CHAMP1: variants seen among roughly 807,000 people sequenced by gnomAD.
CHAMP1 encodes chromosome alignment maintaining phosphoprotein 1.
A neutral mutation model predicts 54.5 loss-of-function variants in CHAMP1; 4 were observed. The observed-to-expected ratio is 0.07, with a 90% confidence interval of 0.04 to 0.17. CHAMP1 has a LOEUF of 0.17. Ranked by LOEUF, CHAMP1 falls within the 10% of genes least tolerant of loss-of-function variation. The pLI, the probability that CHAMP1 is intolerant of heterozygous loss-of-function variation, is 1.00. For synonymous variants in CHAMP1, 368 were observed against 342.2 expected (o/e 1.08, Z -0.83); for missense variants, 994 against 968.6 (o/e 1.03, Z -0.35).
At position 114,321,171 on chromosome 13, in the gene CHAMP1, A is replaced by G. The variant is rs905331110; in HGVS notation, c.-117A>G. Reference sequence around the variant, plus strand: ...TAGGCTGTTTGCTGTGGTTTAGTCAAAAAGCCATGTAGAATGCCTGCCTTT... The same window carrying G: ...TAGGCTGTTTGCTGTGGTTTAGTCAGAAAGCCATGTAGAATGCCTGCCTTT... On this transcript the variant is annotated 5_prime_UTR_variant, in exon 2 of 3. Coordinates refer to ENST00000361283, the MANE Select transcript of CHAMP1 (RefSeq NM_032436.4). 5 of 151,370 alleles carry G rather than the reference A, an allele frequency of 3.3e-5. No homozygotes were observed. Among genetic ancestry groups the G allele is most frequent in the Admixed American group, 2.0e-4 (3 of 15,194 alleles). The allele number at this position is 151,370 out of a possible 1,614,324, so 9.4% of individuals were successfully genotyped here.
chr13:114,315,711 A>C (rs771740734), intron 1 of CHAMP1, among the ~76,000 whole-genome samples: 4 of 152,156 alleles, frequency 2.6e-5, no homozygotes, highest in Non-Finnish European at 4.4e-5. Flanking sequence ...TTACTGTTTC[A>C]TGGGTACAGA....
intron 1 of CHAMP1, among the ~76,000 whole-genome samples, chr13:114,316,572 A>G (rs891797873): frequency 4.0e-5 from 6 of 151,700 alleles, no homozygotes; most frequent in African/African-American, 1.5e-4. Flanking sequence ...CCTGGGTGAC[A>G]GAGCGAGACT....
In CHAMP1 at chr13:114,324,052, C is replaced by G; in HGVS notation, c.210C>G (p.Thr70=). 1 of 1,614,182 alleles carries G rather than the reference C, an allele frequency of 6.2e-7. No homozygotes were observed. The highest frequency in any genetic ancestry group is 8.5e-7 in the Non-Finnish European group (1 of 1,180,038). ...TTCACTGCCATAAATGCTTCTTCAC[C>G]AGCAAGATGTACTCTAATGTATACT... ...KLFHCHKCFF[T]SKMYSNVYYH... The change falls in exon 3 of 3, where the codon ACC becomes ACG. Residue 70 remains threonine, a synonymous_variant. Transcript: ENST00000361283.
Position 114,324,154 on chromosome 13 carries a change from T to A in CHAMP1, c.312T>A (p.Asp104Glu). Residue 104 changes from aspartate (D) to glutamate (E), a missense_variant, in exon 3 of 3, where the codon GAT (aspartate) becomes GAA (glutamate). By Grantham distance (45) the Asp-to-Glu change is conservative. Around this residue, in one of 3 missense-constraint regions of CHAMP1, gnomAD observed 851 missense variants for 701.3 expected, o/e 1.21. Coordinates refer to ENST00000361283, the MANE Select transcript of CHAMP1 (RefSeq NM_032436.4). ...KPKNQLNKET[D>E]PVKSPPLPEH... is the part of the protein sequence containing the mutation. ...AAAATCAGTTGAACAAAGAAACAGA[T>A]CCTGTGAAAAGCCCTCCTCTTCCTG... 6.2e-7 allele frequency: 1 copy of A among 1,613,980 alleles called. No individual in the cohort carries two copies. Among genetic ancestry groups the A allele is most frequent in the Non-Finnish European group, 8.5e-7 (1 of 1,180,002 alleles).
rs1023558242 is a variant in CHAMP1, at chr13:114,314,567, C to T, written c.-255C>T. On this transcript the variant is annotated 5_prime_UTR_variant, in exon 1 of 3. Coordinates refer to ENST00000361283, the MANE Select transcript of CHAMP1 (RefSeq NM_032436.4). Reference sequence around the variant, plus strand: ...GGGAGGCCGCTGCGCTGCAGGGCCTCGCGGAGCCGCCCGCGACCGCGAGCC... The same window carrying T: ...GGGAGGCCGCTGCGCTGCAGGGCCTTGCGGAGCCGCCCGCGACCGCGAGCC... 6 of 151,788 alleles carry T rather than the reference C, an allele frequency of 4.0e-5. No individual in the cohort carries two copies. The highest frequency in any genetic ancestry group is 1.5e-4 in the African/African-American group (6 of 41,372). 9.4% of individuals were successfully genotyped at this position (151,788 alleles called of 1,614,324 possible).
At position 114,315,678 on chromosome 13, in the gene CHAMP1, G is replaced by A. The variant is rs139482527; in HGVS notation, c.-179+1035G>A. Reference sequence around the variant, plus strand: ...CTCAGGCACAGAATTGAGATTACCAGCACTGAAAGTGGAGAGTGGAAGTTA... The same window carrying A: ...CTCAGGCACAGAATTGAGATTACCAACACTGAAAGTGGAGAGTGGAAGTTA... On this transcript the variant is annotated intron_variant, in intron 1 of 2. Transcript: ENST00000361283. 4.4e-3 allele frequency among the ~76,000 whole-genome samples: 665 copies of A among 152,258 alleles called. 3 individuals carry two copies. The highest frequency in any genetic ancestry group is 9.8e-3 in the South Asian group (47 of 4,820).
intron 1 of CHAMP1, among the ~76,000 whole-genome samples, chr13:114,315,036 G>C (rs1248018311): frequency 1.3e-5 from 2 of 152,182 alleles, no homozygotes; most frequent in Admixed American, 6.5e-5. Context: ...TTGTAAACCT[G>C]ATAAAGAGTT....
At chr13:114,319,248 A>T (rs930441733) in intron 1 of CHAMP1, among the ~76,000 whole-genome samples, 1 of 152,194 alleles carries the variant, frequency 6.6e-6, no homozygotes, top group Non-Finnish European at 1.5e-5. Flanking sequence ...TTGAAGTTTT[A>T]AAGTAGATGA....
chr13:114,323,225 A>G (rs782674334), intron 2 of CHAMP1: 1 of 152,278 alleles, frequency 6.6e-6, no homozygotes, highest in Non-Finnish European at 1.5e-5. Context: ...AGAATACTAT[A>G]TTGGGATAGA....
chr13:114,326,315 T>A lies in CHAMP1; in HGVS notation c.*34T>A. ...TGTGAATATTTGTTCTACAAAGGTG[T>A]TTGTTGGAACCATTCTTTGTAAGTA... On this transcript the variant is annotated 3_prime_UTR_variant, in exon 3 of 3. Coordinates refer to ENST00000361283, the MANE Select transcript of CHAMP1 (RefSeq NM_032436.4). 6.5e-7 allele frequency: 1 copy of A among 1,531,046 alleles called. No individual in the cohort carries two copies. The highest frequency in any genetic ancestry group is 8.7e-7 in the Non-Finnish European group (1 of 1,143,240). The allele number at this position is 1,531,046 out of a possible 1,614,324, so 94.8% of individuals were successfully genotyped here.
chr13:114,322,349 T>A (rs1381058071), intron 2 of CHAMP1: 1 of 152,186 alleles, frequency 6.6e-6, no homozygotes, highest in Non-Finnish European at 1.5e-5. Flanking sequence ...TACATTTTTT[T>A]AAAATAATGG....
Position 114,324,203 on chromosome 13 carries a change from T to G in CHAMP1, c.361T>G (p.Ser121Ala). ...TGAACACCAGAAAATACCCTGCAATTCAGCAGAACCAAAATCCATACCTGC... is the reference window on the plus strand; with the variant it reads ...TGAACACCAGAAAATACCCTGCAATGCAGCAGAACCAAAATCCATACCTGC... Reference protein sequence around the residue: ...LPEHQKIPCNSAEPKSIPALS... With the variant: ...LPEHQKIPCNAAEPKSIPALS... Residue 121 changes from serine (S) to alanine (A), a missense_variant, in exon 3 of 3, where the codon TCA becomes GCA. Around this residue, in one of 3 missense-constraint regions of CHAMP1, gnomAD observed 851 missense variants for 701.3 expected, o/e 1.21. Coordinates refer to ENST00000361283, the MANE Select transcript of CHAMP1 (RefSeq NM_032436.4). 1 of 1,614,116 alleles carries G rather than the reference T, an allele frequency of 6.2e-7. No homozygotes were observed.
Position 114,324,458 on chromosome 13 carries a change from G to C in CHAMP1, c.616G>C (p.Glu206Gln). ...GAAACTTGCCCCTGTTCCTTCTCCA[G>C]AACCACAGAAACCTGCCCCTGTATC... ...SQKLAPVPSP[E>Q]PQKPAPVSPE... Residue 206 changes from glutamate to glutamine, a missense_variant, in exon 3 of 3, where the codon GAA becomes CAA. Glu to Gln is a conservative substitution (Grantham distance 29). This residue lies in a region of CHAMP1 where 851 missense variants were observed against 701.3 expected (regional missense o/e 1.21). Coordinates refer to ENST00000361283, the MANE Select transcript of CHAMP1 (RefSeq NM_032436.4). 1 of 1,614,094 alleles carries C rather than the reference G, an allele frequency of 6.2e-7. No homozygotes were observed. The highest frequency in any genetic ancestry group is 8.5e-7 in the Non-Finnish European group (1 of 1,180,020).
In CHAMP1 at chr13:114,326,427, G is replaced by GCA. The variant is rs2087252383; in HGVS notation, c.*147_*148dup. 1 of 919,988 alleles carries GCA rather than the reference G, an allele frequency of 1.1e-6. No homozygotes were observed. Among genetic ancestry groups the GCA allele is most frequent in the Admixed American group, 3.6e-5 (1 of 27,754 alleles). The allele number at this position is 919,988 out of a possible 1,614,324, so 57.0% of individuals were successfully genotyped here. On this transcript the variant is annotated 3_prime_UTR_variant, in exon 3 of 3. Transcript: ENST00000361283. ...GTCTCAGTTGTGTTACTAAGAATGA[G>GCA]CATTTGATCATTTTTTTCTGGTCTC...
At position 114,315,109 on chromosome 13, in the gene CHAMP1, G is replaced by T. The variant is rs114410655; in HGVS notation, c.-179+466G>T. On this transcript the variant is annotated intron_variant, in intron 1 of 2. Transcript: ENST00000361283. ...AAAAAGCAACCCAGTTCAAGAATGG[G>T]CAAGGAATTTGAATAGATATTTCTC... Among the ~76,000 whole-genome samples the T allele has an allele frequency of 6.3e-3, 961 of 152,280 alleles. 11 individuals carry two copies. Among genetic ancestry groups the T allele is most frequent in the African/African-American group, 0.022 (917 of 41,540 alleles).
At chr13:114,317,964 A>C (rs2087119119) in intron 1 of CHAMP1, among the ~76,000 whole-genome samples, 1 of 152,178 alleles carries the variant, frequency 6.6e-6, no homozygotes, top group Admixed American at 6.5e-5. Context: ...GACAATTCTG[A>C]GTTAATTTTT....
At chr13:114,319,673 G>A (rs961713427) in intron 1 of CHAMP1, among the ~76,000 whole-genome samples, 13 of 152,194 alleles carry the variant, frequency 8.5e-5, no homozygotes, top group African/African-American at 3.1e-4. Flanking sequence ...ATTCCACAAG[G>A]CTGACTGTAG....
intron 1 of CHAMP1, among the ~76,000 whole-genome samples, chr13:114,317,471 A>G (rs1384375248): frequency 1.3e-5 from 2 of 152,056 alleles, no homozygotes; most frequent in Non-Finnish European, 2.9e-5. Context: ...ACAGAAAAAA[A>G]AAATTAGCCA....
At chr13:114,321,784 ATTAT>A (rs2087175619) in intron 2 of CHAMP1, among the ~76,000 whole-genome samples, 2 of 152,148 alleles carry the variant, frequency 1.3e-5, no homozygotes, top group African/African-American at 4.8e-5. Flanking sequence ...TCAGTACGGA[ATTAT>A]TTATTTTTCT....
Sources: allele counts gnomAD v4.1 joint callset (sites outside exome capture counted in the v4.1 genomes callset), GRCh38; gene constraint gnomAD v4.1.1; regional missense constraint gnomAD v4.1.1; transcripts MANE v1.5; gene names NCBI Gene and HGNC (gene_info 2026-07-23, HGNC 2026-07-21).